SULT1C3: variants seen among roughly 807,000 people sequenced by gnomAD.
SULT1C3 encodes sulfotransferase family 1C member 3, also known as sulfotransferase 1C3.
A neutral mutation model predicts 28.4 loss-of-function variants in SULT1C3; 31 were observed. That is an observed-to-expected ratio of 1.09 (90% CI 0.82 to 1.47). The LOEUF (loss-of-function observed/expected upper bound fraction) is 1.47, where lower values mean the gene tolerates loss of function less well. Ranked by LOEUF, SULT1C3 falls within the 40% of genes most tolerant of loss-of-function variation. SULT1C3 has a pLI of 0.00. For synonymous variants in SULT1C3, 106 were observed against 92.2 expected (o/e 1.15, Z -0.86); for missense variants, 307 against 272.5 (o/e 1.13, Z -0.89).
chr2:108,255,799 G>A (rs962374652), intron 5 of SULT1C3, 101 bp downstream of exon 5: 3 of 1,404,376 alleles, frequency 2.1e-6, no homozygotes, highest in South Asian at 1.4e-5. Context: ...CATCCTGATT[G>A]AGGAGGTCCT....
intron 5 of SULT1C3, among the ~76,000 whole-genome samples, chr2:108,256,070 G>A (rs902387748): frequency 2.0e-5 from 3 of 152,066 alleles, no homozygotes; most frequent in Non-Finnish European, 4.4e-5. Context: ...AGACCACCAC[G>A]TATAGTTACA....
rs1217929698 is a variant in SULT1C3 at position 108,255,662 on chromosome 2, T to G, written c.490T>G (p.Leu164Val). Residue 164 changes from leucine to valine, a missense_variant, in exon 5 of 8, where the codon TTA (leucine) becomes GTA (valine). By Grantham distance (32) the Leu-to-Val change is conservative. Coordinates refer to ENST00000681802, the MANE Select transcript of SULT1C3 (RefSeq NM_001320878.2). ...MASFMPDPQN[L>V]EEFYEKFMSG... is the part of the protein sequence containing the mutation. ...TTCCTTTATGCCTGATCCTCAGAAC[T>G]TAGAGGAATTTTATGAGAAATTCAT... The G allele has an allele frequency of 6.2e-7, 1 of 1,611,344 alleles. No homozygotes were observed. Among genetic ancestry groups the G allele is most frequent in the Non-Finnish European group, 8.5e-7 (1 of 1,178,188 alleles).
chr2:108,249,270 T>G (rs1391706103), intron 2 of SULT1C3, among the ~76,000 whole-genome samples: 4 of 152,096 alleles, frequency 2.6e-5, no homozygotes, highest in Non-Finnish European at 5.9e-5. Flanking sequence ...GTCTTCAACC[T>G]AGAATTCCAT....
In SULT1C3 at chr2:108,252,455, C is replaced by T. The variant is rs756982102; in HGVS notation, c.263C>T (p.Ala88Val). The T allele has an allele frequency of 1.2e-6, 2 of 1,612,326 alleles. No homozygotes were observed. Among genetic ancestry groups the T allele is most frequent in the East Asian group, 2.2e-5 (1 of 44,754 alleles). The change falls in exon 3 of 8, where the codon GCT becomes GTT. Residue 88 changes from alanine (A) to valine (V), a missense_variant. Transcript: ENST00000681802. The stretch of plus-strand genomic sequence containing the variant: ...AGAGCCCAGACTCTAGATAGACACG[C>T]TTTCCTTGAACTGAAATTTCCCCAT... ...CKRAQTLDRH[A>V]FLELKFPHKE...
downstream of SULT1C3, among the ~76,000 whole-genome samples, chr2:108,262,855 G>C (rs1676053417): frequency 6.6e-6 from 1 of 152,142 alleles, no homozygotes. Flanking sequence ...AGGAAGAGAA[G>C]TTTTATTTCT....
rs1330624522 is a variant in SULT1C3 at position 108,260,565 on chromosome 2, C to G, written c.803-3C>G. 3.9e-6 allele frequency: 2 copies of G among 513,550 alleles called. No individual in the cohort carries two copies. The highest frequency in any genetic ancestry group is 3.9e-5 in the African/African-American group (2 of 51,858). The allele number at this position is 513,550 out of a possible 1,614,324, so 31.8% of individuals were successfully genotyped here. A position where few individuals can be genotyped will look rare whatever the true frequency, so the allele number is the denominator to read the frequency against. Reference sequence around the variant, plus strand: ...TGTCATGAACTTCTTTGATGTCCTACAGGGATGCCTGGAGACTGGAAGAAC... The same window carrying G: ...TGTCATGAACTTCTTTGATGTCCTAGAGGGATGCCTGGAGACTGGAAGAAC... On this transcript the variant is annotated splice_polypyrimidine_tract_variant and splice_region_variant and intron_variant, in intron 7 of 7. Coordinates refer to ENST00000681802, the MANE Select transcript of SULT1C3 (RefSeq NM_001320878.2).
chr2:108,261,338 G>A (rs956219269), downstream of SULT1C3, among the ~76,000 whole-genome samples: 1 of 152,140 alleles, frequency 6.6e-6, no homozygotes, highest in African/African-American at 2.4e-5. Context: ...AATGCTTAAT[G>A]TATCTAATCT....
At chr2:108,249,004 A>G (rs1186232087) in intron 2 of SULT1C3, among the ~76,000 whole-genome samples, 1 of 152,148 alleles carries the variant, frequency 6.6e-6, no homozygotes, top group Non-Finnish European at 1.5e-5. Context: ...ATGAAGAGAG[A>G]AAGTATCAAC....
intron 5 of SULT1C3, among the ~76,000 whole-genome samples, chr2:108,256,204 A>T (rs17819977): frequency 4.6e-5 from 7 of 151,896 alleles, no homozygotes; most frequent in Non-Finnish European, 5.9e-5. Flanking sequence ...TCCATTTATT[A>T]AGATCACACC....
downstream of SULT1C3, chr2:108,264,897 A>G (rs1276869860): frequency 1.9e-6 from 3 of 1,613,756 alleles, no homozygotes; most frequent in African/African-American, 1.3e-5. Flanking sequence ...TCTGAATAAA[A>G]TCATCTATCA....
rs888956874 is a variant in SULT1C3, at chr2:108,246,583, T to C, written c.-7-605T>C. ...GTAGACATGAGAGTTTTCAGGTACA[T>C]GGGTACAAGAGAGTTTTTTCTGCTG... On this transcript the variant is annotated intron_variant, in intron 1 of 7. Transcript: ENST00000681802. Among the ~76,000 whole-genome samples, 61 of 152,160 alleles carry C rather than the reference T, an allele frequency of 4.0e-4. 1 individual carries two copies. Among genetic ancestry groups the C allele is most frequent in the Non-Finnish European group, 4.4e-5 (3 of 68,038 alleles).
At chr2:108,263,434 C>G (rs956646763), downstream of SULT1C3, among the ~76,000 whole-genome samples, 3 of 152,144 alleles carry the variant, frequency 2.0e-5, no homozygotes, top group Non-Finnish European at 2.9e-5. Context: ...CCACAATCCC[C>G]ACTGTCAATT....
rs753913198 is a variant in SULT1C3, at chr2:108,252,323, T to C, written c.173-42T>C. On this transcript the variant is annotated intron_variant, in intron 2 of 7. Coordinates refer to ENST00000681802, the MANE Select transcript of SULT1C3 (RefSeq NM_001320878.2). ...AATATTCAATAACTTAGAATGAAAG[T>C]TCAATTGACTAAAATTAAAGAACTA... 3 of 1,558,482 alleles carry C rather than the reference T, an allele frequency of 1.9e-6. No individual in the cohort carries two copies. In the Admixed American group the frequency reaches 5.7e-5, roughly 29 times the overall value.
At chr2:108,252,918 G>A (rs1453518185) in intron 3 of SULT1C3, among the ~76,000 whole-genome samples, 1 of 151,964 alleles carries the variant, frequency 6.6e-6, no homozygotes, top group Non-Finnish European at 1.5e-5. Flanking sequence ...AGCTGAAAAG[G>A]TTTCCTCAGA....
intron 3 of SULT1C3, among the ~76,000 whole-genome samples, chr2:108,253,080 T>C (rs1046800861): frequency 6.6e-6 from 1 of 151,852 alleles, no homozygotes; most frequent in Admixed American, 6.6e-5. Flanking sequence ...ACCAGATATA[T>C]AACAAACATT....
At chr2:108,248,125 G>C (rs939365448) in intron 2 of SULT1C3, among the ~76,000 whole-genome samples, 1 of 152,040 alleles carries the variant, frequency 6.6e-6, no homozygotes, top group Non-Finnish European at 1.5e-5. Context: ...TAAAAATAAA[G>C]CACACATAAT....
chr2:108,249,989 G>A (rs1675690306), intron 2 of SULT1C3, among the ~76,000 whole-genome samples: 1 of 152,022 alleles, frequency 6.6e-6, no homozygotes, highest in Non-Finnish European at 1.5e-5. Flanking sequence ...GTATAGATAG[G>A]AGAATAGCTT....
intron 1 of SULT1C3, among the ~76,000 whole-genome samples, chr2:108,245,194 A>G (rs1168100038): frequency 6.6e-6 from 1 of 152,202 alleles, no homozygotes; most frequent in Non-Finnish European, 1.5e-5. Flanking sequence ...CCTATAAGTC[A>G]TGGCCCCAGA....
chr2:108,262,894 A>C (rs1676054437), downstream of SULT1C3, among the ~76,000 whole-genome samples: 1 of 152,170 alleles, frequency 6.6e-6, no homozygotes, highest in African/African-American at 2.4e-5. Flanking sequence ...AGGGCCTGGA[A>C]ATTATCACCA....
Sources: allele counts gnomAD v4.1 joint callset (sites outside exome capture counted in the v4.1 genomes callset), GRCh38; gene constraint gnomAD v4.1.1; transcripts MANE v1.5; gene names NCBI Gene and HGNC (gene_info 2026-07-23, HGNC 2026-07-21).